OPCML: variants seen among roughly 807,000 people sequenced by gnomAD.
OPCML encodes opioid binding protein/cell adhesion molecule like, also known as opioid-binding protein/cell adhesion molecule.
OPCML carries 13 observed loss-of-function variants against 37.8 expected under a neutral mutation model. The ratio of observed to expected loss-of-function variants is 0.34; its 90% CI spans 0.22 to 0.55. The LOEUF (loss-of-function observed/expected upper bound fraction) is 0.55. Among genes scored for constraint, OPCML ranks in the 20% least tolerant of loss-of-function variants. OPCML has a pLI of 0.91. For missense variants in OPCML, 341 were observed against 435.6 expected (o/e 0.78, Z 1.93); for synonymous variants, 176 against 168.8 (o/e 1.04, Z -0.33).
intron 1 of OPCML, among the ~76,000 whole-genome samples, chr11:133,127,735 T>C (rs748124873): frequency 4.6e-5 from 7 of 151,870 alleles, no homozygotes; most frequent in Non-Finnish European, 5.9e-5. Context: ...AACAAATTGC[T>C]GTCATCACAA....
chr11:132,476,844 A>G (rs2096157948), intron 4 of OPCML, among the ~76,000 whole-genome samples: 2 of 151,152 alleles, frequency 1.3e-5, no homozygotes, highest in African/African-American at 4.8e-5. Flanking sequence ...GTATAATAAT[A>G]AAAAAATTAA....
chr11:132,852,313 T>C (rs1025712065), intron 2 of OPCML, among the ~76,000 whole-genome samples: 5 of 152,182 alleles, frequency 3.3e-5, no homozygotes, highest in African/African-American at 1.2e-4. Context: ...ATCTCATTTA[T>C]GTCAGTACCA....
At chr11:133,242,229 G>C (rs998069751) in intron 1 of OPCML, among the ~76,000 whole-genome samples, 1 of 152,076 alleles carries the variant, frequency 6.6e-6, no homozygotes, top group African/African-American at 2.4e-5. Flanking sequence ...AGAATGATAC[G>C]ATTACCACAT....
At chr11:133,245,231 C>T (rs767214487) in intron 1 of OPCML, among the ~76,000 whole-genome samples, 8 of 152,228 alleles carry the variant, frequency 5.3e-5, no homozygotes, top group Non-Finnish European at 1.0e-4. Flanking sequence ...CTACAGGGGT[C>T]GTTCAAAGAT....
chr11:133,414,958 C>T (rs2136877670), intron 1 of OPCML, among the ~76,000 whole-genome samples: 1 of 152,186 alleles, frequency 6.6e-6, no homozygotes, highest in Admixed American at 6.5e-5. Context: ...GTGCCCAGCA[C>T]AGGGGAATTA....
At chr11:132,927,651 T>C (rs1945041860) in intron 2 of OPCML, among the ~76,000 whole-genome samples, 1 of 152,070 alleles carries the variant, frequency 6.6e-6, no homozygotes, top group African/African-American at 2.4e-5. Context: ...AGTTCTCTGG[T>C]AAATATAATA....
At chr11:132,597,241 T>G (rs918785907) in intron 3 of OPCML, among the ~76,000 whole-genome samples, 1 of 152,238 alleles carries the variant, frequency 6.6e-6, no homozygotes, top group South Asian at 2.1e-4. Flanking sequence ...ACTTTATTAC[T>G]ACTCCATTTC....
At chr11:132,965,395 C>T (rs1460870158) in intron 1 of OPCML, among the ~76,000 whole-genome samples, 3 of 152,018 alleles carry the variant, frequency 2.0e-5, no homozygotes, top group Non-Finnish European at 4.4e-5. Flanking sequence ...CTAATTAAAC[C>T]TCTTGCCTAT....
At chr11:133,126,231 C>G (rs1331814846) in intron 1 of OPCML, among the ~76,000 whole-genome samples, 3 of 152,030 alleles carry the variant, frequency 2.0e-5, no homozygotes, top group African/African-American at 4.8e-5. Context: ...GAATCAGGAG[C>G]ATTAAGGTTC....
At chr11:132,453,672 G>A (rs555617219) in intron 4 of OPCML, among the ~76,000 whole-genome samples, 9 of 152,318 alleles carry the variant, frequency 5.9e-5, no homozygotes, top group Middle Eastern at 3.4e-3. Context: ...GCAGGGTTTC[G>A]AGGACAGAGC....
rs142153942 is a variant in OPCML at position 133,073,417 on chromosome 11, C to T, written c.62-130407G>A. On this transcript the variant is annotated intron_variant, in intron 1 of 7. Transcript: ENST00000524381. ...ATGGACCAGCGGGACTGAAGAGGAG[C>T]AGTGCCAAAGGGCTCTCCTAGCAGG... Among the ~76,000 whole-genome samples the T allele has an allele frequency of 7.5e-3, 1,140 of 152,328 alleles. 1 individual carries two copies. The highest frequency in any genetic ancestry group is 0.017 in the Middle Eastern group (5 of 294).
At chr11:132,596,450 AT>A (rs957278775) in intron 3 of OPCML, among the ~76,000 whole-genome samples, 1 of 151,936 alleles carries the variant, frequency 6.6e-6, no homozygotes, top group African/African-American at 2.4e-5. Flanking sequence ...ACATCTCTTA[AT>A]TTTTTTGTTG....
intron 2 of OPCML, among the ~76,000 whole-genome samples, chr11:132,675,937 C>CTGAT (rs1333376834): frequency 6.6e-6 from 1 of 152,110 alleles, no homozygotes; most frequent in Non-Finnish European, 1.5e-5. Flanking sequence ...AATTGACCAG[C>CTGAT]TGATTATAAA....
intron 2 of OPCML, among the ~76,000 whole-genome samples, chr11:132,733,808 C>A (rs1189950575): frequency 6.6e-6 from 1 of 152,090 alleles, no homozygotes; most frequent in Admixed American, 6.6e-5. Context: ...AACTAGCCCA[C>A]GGAGATGCTG....
chr11:132,916,038 T>C (rs975365218), intron 2 of OPCML, among the ~76,000 whole-genome samples: 4 of 152,222 alleles, frequency 2.6e-5, no homozygotes, highest in African/African-American at 9.6e-5. Flanking sequence ...ATTTTGTAAG[T>C]GTGCATGTAT....
chr11:132,538,415 G>T (rs749279399), intron 3 of OPCML, among the ~76,000 whole-genome samples: 2 of 152,148 alleles, frequency 1.3e-5, no homozygotes, highest in Non-Finnish European at 2.9e-5. Context: ...AGAGATAAAT[G>T]AGAAGTGACT....
At chr11:133,088,013 A>T (rs1366073619) in intron 1 of OPCML, among the ~76,000 whole-genome samples, 6 of 152,212 alleles carry the variant, frequency 3.9e-5, no homozygotes, top group Non-Finnish European at 8.8e-5. Context: ...ATATGAGAAA[A>T]AGTGTGTAAT....
At chr11:133,168,040 G>A (rs1950236838) in intron 1 of OPCML, among the ~76,000 whole-genome samples, 1 of 152,160 alleles carries the variant, frequency 6.6e-6, no homozygotes, top group Non-Finnish European at 1.5e-5. Flanking sequence ...ACTAAAAGGT[G>A]TGTCAATGAA....
chr11:132,766,100 A>T (rs773538647), intron 2 of OPCML, among the ~76,000 whole-genome samples: 60 of 19,890 alleles, frequency 3.0e-3, no homozygotes, highest in Non-Finnish European at 4.8e-3. Flanking sequence ...CTTATAATTT[A>T]AAAAAAAAAA....
Sources: allele counts gnomAD v4.1 joint callset (sites outside exome capture counted in the v4.1 genomes callset), GRCh38; gene constraint gnomAD v4.1.1; transcripts MANE v1.5; gene names NCBI Gene and HGNC (gene_info 2026-07-23, HGNC 2026-07-21).